The following EPHA3 variants were observed in gnomAD, a reference collection of about 807,000 sequenced individuals.
EPHA3 encodes ephrin type-A receptor 3.
Under a neutral mutation model 107.1 loss-of-function variants are expected in EPHA3, and 42 were observed. The ratio of observed to expected loss-of-function variants is 0.39; its 90% CI spans 0.31 to 0.51. The LOEUF is 0.51. Among genes scored for constraint, EPHA3 ranks in the 20% least tolerant of loss-of-function variants. The pLI, the probability that EPHA3 is intolerant of heterozygous loss-of-function variation, is 0.78. For missense variants in EPHA3, 1,183 were observed against 1,211.2 expected, an observed-to-expected ratio of 0.98 and a Z score of 0.35; for synonymous variants, 461 against 424.8, an observed-to-expected ratio of 1.09 and a Z score of -1.05.
chr3:89,183,812 T>C (rs1705499480), intron 2 of EPHA3, among the ~76,000 whole-genome samples: 1 of 151,920 alleles, frequency 6.6e-6, no homozygotes, highest in African/African-American at 2.4e-5. Flanking sequence ...AGCTACAGAT[T>C]ATATACTGCT....
chr3:89,425,927 C>G (rs1709447087), intron 11 of EPHA3, among the ~76,000 whole-genome samples: 1 of 151,624 alleles, frequency 6.6e-6, no homozygotes, highest in Non-Finnish European at 1.5e-5. Context: ...CTGATTATAA[C>G]AGACTGATTT....
intron 2 of EPHA3, among the ~76,000 whole-genome samples, chr3:89,143,395 C>T (rs1246665659): frequency 1.3e-4 from 19 of 151,524 alleles, no homozygotes; most frequent in African/African-American, 4.1e-4. Flanking sequence ...TGTATAAGCA[C>T]TTTTTCCCTA....
chr3:89,397,580 CT>C (rs35334618), intron 6 of EPHA3, among the ~76,000 whole-genome samples: 3,631 of 131,084 alleles, frequency 0.028, 88 homozygotes, highest in African/African-American at 0.093. Context: ...GCATCATTGC[CT>C]TTTTTTTTTT....
intron 3 of EPHA3, among the ~76,000 whole-genome samples, chr3:89,245,612 C>T (rs1389221029): frequency 6.6e-6 from 1 of 152,180 alleles, no homozygotes; most frequent in African/African-American, 2.4e-5. Context: ...CTGTTGGACT[C>T]CCATCATTGT....
intron 3 of EPHA3, among the ~76,000 whole-genome samples, chr3:89,216,461 A>C (rs1186545889): frequency 6.6e-6 from 1 of 152,014 alleles, no homozygotes; most frequent in East Asian, 1.9e-4. Flanking sequence ...TGAATATGTA[A>C]AAATTATAGT....
rs184303125 is a variant in EPHA3, at chr3:89,295,977, G to C, written c.815-44939G>C. ...AATAATGTTCTTTGCTCATCCATAA[G>C]AAGCAACTCCTCATCCACTGAAGTT... On this transcript the variant is annotated intron_variant, in intron 3 of 16. Transcript: ENST00000336596. Among the ~76,000 whole-genome samples, 295 of 152,254 alleles carry C rather than the reference G, an allele frequency of 1.9e-3. 1 individual carries two copies. Among genetic ancestry groups the C allele is most frequent in the African/African-American group, 6.5e-3 (271 of 41,556 alleles).
rs145895764 is a variant in EPHA3, at chr3:89,114,466, A to C, written c.88+6630A>C. ...CTCACTCTGCATCAAATTAAAGATG[A>C]GATCATAAAAAAACATCTCCGGGTG... is the stretch of plus-strand genomic sequence containing the variant. On this transcript the variant is annotated intron_variant, in intron 1 of 16. Coordinates refer to ENST00000336596, the MANE Select transcript of EPHA3 (RefSeq NM_005233.6). 1.9e-3 allele frequency among the ~76,000 whole-genome samples: 292 copies of C among 152,234 alleles called. 1 individual carries two copies. The highest frequency in any genetic ancestry group is 6.5e-3 in the African/African-American group (268 of 41,550).
chr3:89,306,070 A>G (rs1161191115), intron 3 of EPHA3, among the ~76,000 whole-genome samples: 1 of 152,042 alleles, frequency 6.6e-6, no homozygotes, highest in Non-Finnish European at 1.5e-5. Context: ...TACTGTCCTT[A>G]TCATTGCCAG....
intron 3 of EPHA3, among the ~76,000 whole-genome samples, chr3:89,294,741 A>C (rs1275417443): frequency 6.6e-6 from 1 of 152,058 alleles, no homozygotes; most frequent in Non-Finnish European, 1.5e-5. Context: ...AGTTATATTC[A>C]CTGTTCTATG....
intron 2 of EPHA3, among the ~76,000 whole-genome samples, chr3:89,158,476 G>A (rs1002696964): frequency 6.6e-6 from 1 of 151,986 alleles, no homozygotes; most frequent in African/African-American, 2.4e-5. Flanking sequence ...ATTTAGTCTG[G>A]TCAAGAATTC....
chr3:89,448,384 C>A (rs570072219), intron 13 of EPHA3, among the ~76,000 whole-genome samples: 2 of 152,010 alleles, frequency 1.3e-5, no homozygotes, highest in African/African-American at 2.4e-5. Context: ...CTGACACTTA[C>A]GAAACAAAAG....
intron 2 of EPHA3, among the ~76,000 whole-genome samples, chr3:89,187,338 A>G (rs1330361478): frequency 6.7e-6 from 1 of 148,546 alleles, no homozygotes; most frequent in Non-Finnish European, 1.5e-5. Context: ...ATTAATAAAT[A>G]TTAATAAATA....
chr3:89,359,254 G>A (rs1420397283), intron 5 of EPHA3, among the ~76,000 whole-genome samples: 3 of 150,862 alleles, frequency 2.0e-5, no homozygotes, highest in African/African-American at 7.3e-5. Context: ...GCCAGAATTT[G>A]ACACTAACAT....
chr3:89,346,432 G>A (rs2107431010), intron 5 of EPHA3, among the ~76,000 whole-genome samples: 1 of 146,488 alleles, frequency 6.8e-6, no homozygotes, highest in Admixed American at 6.8e-5. Context: ...AGAAGTGTCT[G>A]TTCATGTCCT....
chr3:89,292,196 T>C (rs1328839686), intron 3 of EPHA3, among the ~76,000 whole-genome samples: 1 of 152,156 alleles, frequency 6.6e-6, no homozygotes, highest in Non-Finnish European at 1.5e-5. Flanking sequence ...GGGTTCTGCA[T>C]CCACAGATTC....
At chr3:89,467,972 C>A (rs918454050) in intron 15 of EPHA3, among the ~76,000 whole-genome samples, 11 of 152,122 alleles carry the variant, frequency 7.2e-5, no homozygotes, top group African/African-American at 2.4e-4. Context: ...CATCACCCAG[C>A]CTATAAATTT....
chr3:89,180,180 C>G (rs1391888735), intron 2 of EPHA3, among the ~76,000 whole-genome samples: 1 of 151,930 alleles, frequency 6.6e-6, no homozygotes, highest in African/African-American at 2.4e-5. Context: ...GATGTCAAAA[C>G]AGCTCAACAT....
intron 5 of EPHA3, among the ~76,000 whole-genome samples, chr3:89,369,886 G>A (rs1708259302): frequency 6.6e-6 from 1 of 150,538 alleles, no homozygotes; most frequent in African/African-American, 2.5e-5. Context: ...CATTTATGCA[G>A]CCAAAAAACA....
chr3:89,301,222 G>T (rs1222537631), intron 3 of EPHA3, among the ~76,000 whole-genome samples: 2 of 152,004 alleles, frequency 1.3e-5, no homozygotes, highest in Non-Finnish European at 2.9e-5. Flanking sequence ...ATGCAGAAAA[G>T]AATTTTCAAA....
Sources: allele counts gnomAD v4.1 joint callset (sites outside exome capture counted in the v4.1 genomes callset), GRCh38; gene constraint gnomAD v4.1.1; transcripts MANE v1.5; gene names NCBI Gene and HGNC (gene_info 2026-07-23, HGNC 2026-07-21).